Variants in SYN2 observed in about 807,000 individuals in gnomAD.
SYN2 encodes the protein synapsin-2.
In SYN2, 19 loss-of-function variants were observed where a neutral mutation model predicts 50.9. That is an observed-to-expected ratio of 0.37 (90% CI 0.26 to 0.55). The LOEUF is 0.55. SYN2 is among the 20% of genes least tolerant of loss of function. The pLI is 0.81. For missense variants in SYN2, 587 were observed against 576.4 expected, an observed-to-expected ratio of 1.02 and a Z score of -0.19; for synonymous variants, 255 against 224.9, an observed-to-expected ratio of 1.13 and a Z score of -1.20.
chr3:12,023,799 G>A (rs141658708), intron 1 of SYN2, among the ~76,000 whole-genome samples: 91 of 152,242 alleles, frequency 6.0e-4, no homozygotes, highest in Non-Finnish European at 9.7e-4. Context: ...CAGTCCTGGA[G>A]ACCAACTAGG....
chr3:12,091,929 T>A (rs1695839045), intron 1 of SYN2, among the ~76,000 whole-genome samples: 1 of 152,198 alleles, frequency 6.6e-6, no homozygotes, highest in Non-Finnish European at 1.5e-5. Context: ...ACTTCTGGAT[T>A]TGAGTTCAGA....
At chr3:12,105,188 G>A (rs1696159131) in intron 1 of SYN2, among the ~76,000 whole-genome samples, 1 of 152,056 alleles carries the variant, frequency 6.6e-6, no homozygotes, top group South Asian at 2.1e-4. Flanking sequence ...CTCATGCAGT[G>A]GCTACAGTAT....
chr3:12,034,244 G>A (rs1694445498), intron 1 of SYN2, among the ~76,000 whole-genome samples: 1 of 152,114 alleles, frequency 6.6e-6, no homozygotes, highest in South Asian at 2.1e-4. Context: ...TCTTTGTGAA[G>A]TAGTATCTCA....
chr3:12,101,222 G>A (rs1046121232), intron 1 of SYN2, among the ~76,000 whole-genome samples: 9 of 152,100 alleles, frequency 5.9e-5, no homozygotes, highest in African/African-American at 2.2e-4. Flanking sequence ...GTCTAAAGTG[G>A]AACAAACCCA....
chr3:12,070,363 A>T, intron 1 of SYN2: 1 of 517,192 alleles, frequency 1.9e-6, no homozygotes, highest in Non-Finnish European at 3.9e-6. Flanking sequence ...GATGGTGGGC[A>T]TGGGTCAGAA....
At position 12,004,516 on chromosome 3, in the gene SYN2, C is replaced by T. The variant is rs749061116; in HGVS notation, c.-36C>T. 1.7e-5 allele frequency: 9 copies of T among 527,028 alleles called. No individual in the cohort carries two copies. Among genetic ancestry groups the T allele is most frequent in the East Asian group, 3.8e-5 (1 of 26,510 alleles). 32.6% of individuals were successfully genotyped at this position (527,028 alleles called of 1,614,324 possible). A position where few individuals can be genotyped will look rare whatever the true frequency, so the allele number is the denominator to read the frequency against. ...TCGCTCTCCCTCCGCGCCACCAGAC[C>T]CCGTAGCCCCGCGCGCCCCCAGCCC... is the stretch of plus-strand genomic sequence containing the variant. On this transcript the variant is annotated 5_prime_UTR_variant, in exon 1 of 13. Transcript: ENST00000621198.
intron 7 of SYN2, among the ~76,000 whole-genome samples, chr3:12,162,755 T>C (rs950859870): frequency 6.6e-6 from 1 of 152,128 alleles, no homozygotes; most frequent in Non-Finnish European, 1.5e-5. Flanking sequence ...CACTGAAAAA[T>C]GCTACAGAAC....
intron 5 of SYN2, chr3:12,157,045 T>G (rs1317009514): frequency 1.7e-5 from 13 of 772,980 alleles, no homozygotes; most frequent in Admixed American, 2.7e-5. Flanking sequence ...AAAGTCTAGT[T>G]GAGGATTTTG....
At chr3:12,107,796 C>T (rs1696227899) in intron 1 of SYN2, among the ~76,000 whole-genome samples, 1 of 152,118 alleles carries the variant, frequency 6.6e-6, no homozygotes, top group Non-Finnish European at 1.5e-5. Context: ...TCTGACTTTT[C>T]AGTGCAGGAT....
intron 1 of SYN2, among the ~76,000 whole-genome samples, chr3:12,135,989 A>T (rs931031637): frequency 6.6e-6 from 1 of 152,246 alleles, no homozygotes; most frequent in African/African-American, 2.4e-5. Flanking sequence ...CATATGGATC[A>T]TCCCTGCTCT....
chr3:12,049,061 A>G (rs969117828), intron 1 of SYN2, among the ~76,000 whole-genome samples: 8 of 152,190 alleles, frequency 5.3e-5, no homozygotes, highest in African/African-American at 1.9e-4. Context: ...GGGAATGTAC[A>G]TGGACCCTTC....
At chr3:12,094,961 A>G (rs1695899109) in intron 1 of SYN2, among the ~76,000 whole-genome samples, 1 of 152,186 alleles carries the variant, frequency 6.6e-6, no homozygotes, top group South Asian at 2.1e-4. Flanking sequence ...TGAAACAAAG[A>G]TACAGTGTAA....
At chr3:12,087,600 A>G (rs1216700980) in intron 1 of SYN2, among the ~76,000 whole-genome samples, 2 of 152,190 alleles carry the variant, frequency 1.3e-5, no homozygotes, top group African/African-American at 4.8e-5. Context: ...AAGGAAAAAA[A>G]AAATAGCTAG....
At chr3:12,095,882 G>A (rs1244394703) in intron 1 of SYN2, among the ~76,000 whole-genome samples, 1 of 152,028 alleles carries the variant, frequency 6.6e-6, no homozygotes, top group East Asian at 2.0e-4. Flanking sequence ...TTTACCTCCA[G>A]TAAGACCTAT....
chr3:12,012,933 G>A (rs977709487), intron 1 of SYN2, among the ~76,000 whole-genome samples: 2 of 152,182 alleles, frequency 1.3e-5, no homozygotes, highest in African/African-American at 2.4e-5. Flanking sequence ...AATCTCACTC[G>A]TTACTTATCC....
intron 1 of SYN2, among the ~76,000 whole-genome samples, chr3:12,112,815 T>C (rs1246108099): frequency 6.6e-6 from 1 of 152,128 alleles, no homozygotes; most frequent in Non-Finnish European, 1.5e-5. Context: ...CAGTGCACTT[T>C]TAAAAAAAAT....
intron 10 of SYN2, among the ~76,000 whole-genome samples, chr3:12,180,538 A>G (rs1698198325): frequency 1.3e-5 from 2 of 152,188 alleles, no homozygotes; most frequent in African/African-American, 4.8e-5. Flanking sequence ...ATAGGCCCGG[A>G]GCCCCTAGTA....
In SYN2 at chr3:12,162,538, C is replaced by T. The variant is rs557817584; in HGVS notation, c.980+384C>T. Among the ~76,000 whole-genome samples the T allele has an allele frequency of 3.9e-5, 6 of 152,318 alleles. No homozygotes were observed. The South Asian group carries it at 1.0e-3, about 26-fold the overall frequency. On this transcript the variant is annotated intron_variant, in intron 7 of 12. Transcript: ENST00000621198. Reference sequence around the variant, plus strand: ...ATAATGGTACTTGTTAGGCTTGCCACTACCTCCTGTTACTTAGAAACACAT... The same window carrying T: ...ATAATGGTACTTGTTAGGCTTGCCATTACCTCCTGTTACTTAGAAACACAT...
At chr3:12,049,529 A>T (rs150425344) in intron 1 of SYN2, among the ~76,000 whole-genome samples, 54 of 28,506 alleles carry the variant, frequency 1.9e-3, no homozygotes, top group East Asian at 2.7e-3. Context: ...AAAAAAAAAA[A>T]AATAATAAAA....
Sources: gnomAD v4.1 joint callset for allele counts (sites outside exome capture counted in the v4.1 genomes callset) on GRCh38, gnomAD v4.1.1 for gene constraint, MANE v1.5 for transcripts, NCBI Gene and HGNC (gene_info 2026-07-23, HGNC 2026-07-21) for gene names.